MROH2B: variants seen among roughly 807,000 people sequenced by gnomAD.
The protein encoded by MROH2B is maestro heat like repeat family member 2B, also known as maestro heat-like repeat-containing protein family member 2B.
In MROH2B, 177 loss-of-function variants were observed where a neutral mutation model predicts 208.6. The ratio of observed to expected loss-of-function variants is 0.85; its 90% CI spans 0.75 to 0.96. MROH2B has a LOEUF of 0.96. MROH2B is among the 40% of genes least tolerant of loss of function. MROH2B has a pLI of 0.00. For missense variants in MROH2B, 2,002 were observed against 1,878.7 expected (o/e 1.07, Z -1.21); for synonymous variants, 728 against 659.0 (o/e 1.10, Z -1.60).
rs1359770656 is a variant in MROH2B, at chr5:41,047,719, A to G, written c.1728+2T>C. ...AAAAATTATTCTAGAAGCCAGCCTTACCTGAAGCAGCATGGTTTCCCATAG... is the reference window on the plus strand; with the variant it reads ...AAAAATTATTCTAGAAGCCAGCCTTGCCTGAAGCAGCATGGTTTCCCATAG... On this transcript the variant is annotated splice_donor_variant, in intron 17 of 41. Coordinates refer to ENST00000399564, the MANE Select transcript of MROH2B (RefSeq NM_173489.5). LOFTEE classifies it high-confidence loss of function. The G allele has an allele frequency of 2.5e-6, 4 of 1,594,104 alleles. No homozygotes were observed. Among genetic ancestry groups the G allele is most frequent in the Non-Finnish European group, 2.6e-6 (3 of 1,169,336 alleles).
intron 24 of MROH2B, among the ~76,000 whole-genome samples, chr5:41,028,887 A>G (rs747611481): frequency 6.6e-6 from 1 of 152,144 alleles, no homozygotes. Flanking sequence ...TGTACTTGTT[A>G]CCTAAATAGT....
At position 41,045,807 on chromosome 5, in the gene MROH2B, A is replaced by G. The variant is rs746346509; in HGVS notation, c.1775T>C (p.Ile592Thr). Reference sequence around the variant, plus strand: ...CTGTTTGAAATCCTGAGTCAGCTGAATGGTCCAGGCCACATCACTGATCTT... The same window carrying G: ...CTGTTTGAAATCCTGAGTCAGCTGAGTGGTCCAGGCCACATCACTGATCTT... ...LWKISDVAWT[I>T]QLTQDFKQQM... Residue 592 changes from isoleucine (I) to threonine (T), a missense_variant, in exon 18 of 42, where the codon ATT becomes ACT. Transcript: ENST00000399564. 27 of 1,613,590 alleles carry G rather than the reference A, an allele frequency of 1.7e-5. No individual in the cohort carries two copies. The South Asian group carries it at 2.6e-4, about 16-fold the overall frequency.
intron 41 of MROH2B, 100 bp from the exon 42 acceptor site, chr5:40,998,258 G>A: frequency 1.2e-6 from 1 of 847,142 alleles, no homozygotes; most frequent in Non-Finnish European, 1.9e-6. Flanking sequence ...CTGAGGGTCA[G>A]ACCCAAGTGG....
At chr5:41,043,734 G>A (rs1157947238) in intron 18 of MROH2B, among the ~76,000 whole-genome samples, 1 of 152,170 alleles carries the variant, frequency 6.6e-6, no homozygotes, top group East Asian at 1.9e-4. Context: ...CTTCAATCAA[G>A]AAAGGAGTCT....
At chr5:41,024,843 T>C (rs149457352) in intron 24 of MROH2B, among the ~76,000 whole-genome samples, 33,792 of 152,050 alleles carry the variant, frequency 0.22, 3,860 homozygotes, top group South Asian at 0.33. Flanking sequence ...GTCTCTCAGA[T>C]CACAGTGCAA....
At chr5:41,054,926 G>GT in intron 10 of MROH2B, 86 bp from the exon 11 acceptor site, 3 of 889,226 alleles carry the variant, frequency 3.4e-6, no homozygotes, top group Non-Finnish European at 5.0e-6. Context: ...TTAGAATTAT[G>GT]GCACATAATT....
In MROH2B at chr5:41,004,420, C is replaced by T; in HGVS notation, c.4120G>A (p.Glu1374Lys). Residue 1374 changes from glutamate (E) to lysine (K), a missense_variant, in exon 37 of 42, where the codon GAG becomes AAG. Glu to Lys is a moderately conservative substitution (Grantham distance 56). Transcript: ENST00000399564. ...CTCACGTCTCGGTCTGTCAGCAGCT[C>T]CAGGATTTTTTTTAGAGCCTTCAAG... ...ESLKALKKIL[E>K]LLTDRDVSFY... The T allele has an allele frequency of 6.2e-7, 1 of 1,613,976 alleles. No individual in the cohort carries two copies. The highest frequency in any genetic ancestry group is 8.5e-7 in the Non-Finnish European group (1 of 1,179,868).
chr5:41,063,361 C>T (rs1483949392), intron 5 of MROH2B, among the ~76,000 whole-genome samples: 1 of 152,162 alleles, frequency 6.6e-6, no homozygotes, highest in Admixed American at 6.5e-5. Flanking sequence ...CTGCCATGTA[C>T]TGGCTGTGTG....
intron 24 of MROH2B, among the ~76,000 whole-genome samples, chr5:41,024,349 G>A (rs1742271787): frequency 6.6e-6 from 1 of 151,986 alleles, no homozygotes; most frequent in Non-Finnish European, 1.5e-5. Context: ...GATATACCAA[G>A]CAAATGGAAA....
At chr5:41,065,307 A>G (rs777308266) in intron 4 of MROH2B, 24 bp downstream of exon 4, 12 of 1,589,488 alleles carry the variant, frequency 7.5e-6, no homozygotes, top group Non-Finnish European at 9.4e-6. Context: ...TCCCAGGGAA[A>G]ATTGGAGAAT....
rs1378506648 is a variant in MROH2B, at chr5:41,071,088, C to T, written c.-236G>A. 8.6e-6 allele frequency: 4 copies of T among 465,102 alleles called. No individual in the cohort carries two copies. Among genetic ancestry groups the T allele is most frequent in the Non-Finnish European group, 1.5e-5 (4 of 260,570 alleles). 28.8% of individuals were successfully genotyped at this position (465,102 alleles called of 1,614,324 possible). On this transcript the variant is annotated 5_prime_UTR_variant, in exon 1 of 42. Coordinates refer to ENST00000399564, the MANE Select transcript of MROH2B (RefSeq NM_173489.5). ...ATGACATTGTCTTGCGTCTGAACTCCTGCTAACCAACAAAATGGCTGCATC... is the reference window on the plus strand; with the variant it reads ...ATGACATTGTCTTGCGTCTGAACTCTTGCTAACCAACAAAATGGCTGCATC...
At chr5:41,050,893 C>A in intron 13 of MROH2B, 84 bp downstream of exon 13, 1 of 898,994 alleles carries the variant, frequency 1.1e-6, no homozygotes, top group Non-Finnish European at 1.7e-6. Flanking sequence ...AAATGGAGAA[C>A]AAACTCATGT....
intron 34 of MROH2B, among the ~76,000 whole-genome samples, chr5:41,005,891 CA>C (rs1209108192): frequency 6.6e-6 from 1 of 151,810 alleles, no homozygotes; most frequent in African/African-American, 2.4e-5. Flanking sequence ...ATTAGCCAGG[CA>C]TGGTGGTGTG....
intron 24 of MROH2B, among the ~76,000 whole-genome samples, chr5:41,020,712 G>A (rs13174097): frequency 0.65 from 98,182 of 152,012 alleles, 32,325 homozygotes; most frequent in Non-Finnish European, 0.7. Context: ...CAACAATTAT[G>A]TTATAGAAAT....
At position 41,048,504 on chromosome 5, in the gene MROH2B, G is replaced by A. The variant is rs1191372524; in HGVS notation, c.1543-39C>T. The stretch of plus-strand genomic sequence containing the variant: ...GAGAAGGAGCTCATCAATTTCAGGG[G>A]CGTTTAAAAGCCCCACTTATTTTTC... On this transcript the variant is annotated intron_variant, in intron 15 of 41. Coordinates refer to ENST00000399564, the MANE Select transcript of MROH2B (RefSeq NM_173489.5). 21 of 1,550,390 alleles carry A rather than the reference G, an allele frequency of 1.4e-5. No homozygotes were observed. In the East Asian group the frequency reaches 4.6e-4, roughly 34 times the overall value.
rs1554052852 is a variant in MROH2B, at chr5:41,070,875, T to C, written c.-23A>G. 3.7e-6 allele frequency: 6 copies of C among 1,608,640 alleles called. No homozygotes were observed. The Admixed American group carries it at 5.1e-5, about 14-fold the overall frequency. On this transcript the variant is annotated 5_prime_UTR_variant, in exon 1 of 42. Coordinates refer to ENST00000399564, the MANE Select transcript of MROH2B (RefSeq NM_173489.5). ...CATGTCTTGGCTGTTTCAGGGTCTCTAAAAGATAGCACCTAAGTATTAGAA... is the reference window on the plus strand; with the variant it reads ...CATGTCTTGGCTGTTTCAGGGTCTCCAAAAGATAGCACCTAAGTATTAGAA...
At position 41,061,557 on chromosome 5, in the gene MROH2B, G is replaced by A. The variant is rs764562263; in HGVS notation, c.615+13C>T. Reference sequence around the variant, plus strand: ...AGGGACATCCAGCTTGAGGCATCCTGAGGCCCACTCACCTGCATGGGTGAG... The same window carrying A: ...AGGGACATCCAGCTTGAGGCATCCTAAGGCCCACTCACCTGCATGGGTGAG... On this transcript the variant is annotated intron_variant, in intron 6 of 41. Transcript: ENST00000399564. The A allele has an allele frequency of 2.4e-5, 38 of 1,598,808 alleles. No individual in the cohort carries two copies. The highest frequency in any genetic ancestry group is 2.9e-5 in the Non-Finnish European group (34 of 1,172,622).
At position 41,005,585 on chromosome 5, in the gene MROH2B, A is replaced by T. The variant is rs1187197473; in HGVS notation, c.3810T>A (p.Ser1270=). The part of the protein sequence containing the change: ...ILDIMEQLLS[S]LTSSSENYRI... ...GGTAGTTCTCCGAGGAGGAGGTAAG[A>T]GATGAGAGCAGCTGTTCCATGATGT... Residue 1270 remains serine (S), a synonymous_variant, in exon 35 of 42, where the codon TCT becomes TCA. Transcript: ENST00000399564. 6.2e-7 allele frequency: 1 copy of T among 1,611,590 alleles called. No homozygotes were observed. The highest frequency in any genetic ancestry group is 2.2e-5 in the East Asian group (1 of 44,840).
intron 19 of MROH2B, among the ~76,000 whole-genome samples, chr5:41,039,845 AT>A (rs1484015096): frequency 1.3e-5 from 2 of 152,162 alleles, no homozygotes; most frequent in African/African-American, 4.8e-5. Context: ...GGTAGTGAGG[AT>A]TGGGGGAAGT....
Sources: allele counts gnomAD v4.1 joint callset (sites outside exome capture counted in the v4.1 genomes callset), GRCh38; gene constraint gnomAD v4.1.1; transcripts MANE v1.5; gene names NCBI Gene and HGNC (gene_info 2026-07-23, HGNC 2026-07-21).